GSTM3: variants seen among roughly 807,000 people sequenced by gnomAD.
The protein encoded by GSTM3 is GST class-mu 3.
In GSTM3, 34 loss-of-function variants were observed where a neutral mutation model predicts 36.1. The observed-to-expected ratio is 0.94, with a 90% confidence interval of 0.72 to 1.25. The LOEUF is 1.25. Among genes scored for constraint, GSTM3 ranks in the 50% most tolerant of loss-of-function variants. The probability of loss-of-function intolerance (pLI) is 0.00; values close to 1 mark genes in which losing one functional copy is unlikely to be tolerated. For missense variants in GSTM3, 266 were observed against 281.6 expected (o/e 0.94, Z 0.40); for synonymous variants, 102 against 99.5 (o/e 1.03, Z -0.15).
At position 109,734,933 on chromosome 1, in the gene GSTM3, G is replaced by C. The variant is rs1649158948; in HGVS notation, c.*2138C>G. ...TCAGACTCTGCTCTGTGAAAGGAGA[G>C]TGGTGCCAAGTCATCTCCACAGGAG... On this transcript the variant is annotated 3_prime_UTR_variant, in exon 9 of 9. Coordinates refer to ENST00000361066, the MANE Select transcript of GSTM3 (RefSeq NM_000849.5). 1 of 152,304 alleles carries C rather than the reference G, an allele frequency of 6.6e-6. No homozygotes were observed. The highest frequency in any genetic ancestry group is 2.4e-5 in the African/African-American group (1 of 41,470). The allele number at this position is 152,304 out of a possible 1,614,324, so 9.4% of individuals were successfully genotyped here.
rs34865003 is a variant in GSTM3, at chr1:109,735,633, G to GTTTTTTT, written c.*1431_*1437dup. The GTTTTTTT allele has an allele frequency of 1.6e-5, 1 of 60,718 alleles. No homozygotes were observed. Among genetic ancestry groups the GTTTTTTT allele is most frequent in the African/African-American group, 4.9e-5 (1 of 20,386 alleles). The allele number at this position is 60,718 out of a possible 1,614,324, so 3.8% of individuals were successfully genotyped here. A position where few individuals can be genotyped will look rare whatever the true frequency, so the allele number is the denominator to read the frequency against. On this transcript the variant is annotated 3_prime_UTR_variant, in exon 9 of 9. Coordinates refer to ENST00000361066, the MANE Select transcript of GSTM3 (RefSeq NM_000849.5). ...CATCTTAGTATATGTCTCTTTGAAT[G>GTTTTTTT]TTTTTTTTTTTTTTTTTTTTTTTTT... is the stretch of plus-strand genomic sequence containing the variant.
chr1:109,737,182 T>G lies in GSTM3; in HGVS notation c.580-13A>C. The G allele has an allele frequency of 6.3e-7, 1 of 1,584,966 alleles. No homozygotes were observed. Among genetic ancestry groups the G allele is most frequent in the African/African-American group, 1.3e-5 (1 of 74,476 alleles). On this transcript the variant is annotated splice_polypyrimidine_tract_variant and intron_variant, in intron 8 of 8. Coordinates refer to ENST00000361066, the MANE Select transcript of GSTM3 (RefSeq NM_000849.5). ...TTTTCTCCAAAGCCTGAAAGGAAAATACACCAAATCTTATAACGACCCCAA... is the reference window on the plus strand; with the variant it reads ...TTTTCTCCAAAGCCTGAAAGGAAAAGACACCAAATCTTATAACGACCCCAA...
At position 109,734,401 on chromosome 1, in the gene GSTM3, C is replaced by T. The variant is rs1200470198; in HGVS notation, c.*2670G>A. ...ACTGTCTTGCCGTTGTTCTTGTGAA[C>T]ATAGTTCCTTTCTATCCCTTCTCCT... On this transcript the variant is annotated 3_prime_UTR_variant, in exon 9 of 9. Coordinates refer to ENST00000361066, the MANE Select transcript of GSTM3 (RefSeq NM_000849.5). 6.6e-6 allele frequency: 1 copy of T among 152,202 alleles called. No homozygotes were observed. The highest frequency in any genetic ancestry group is 1.5e-5 in the Non-Finnish European group (1 of 68,032). 9.4% of individuals were successfully genotyped at this position (152,202 alleles called of 1,614,324 possible).
In GSTM3 at chr1:109,737,553, A is replaced by G; in HGVS notation, c.483T>C (p.Asp161=). Residue 161 remains aspartate (D), a synonymous_variant, in exon 8 of 9, where the codon GAT becomes GAC. Transcript: ENST00000361066. ...GATCCAAGATATCATAGGTGAGAAA[A>G]TCCACAAAGGTGAGCTAGAAGAAAA... ...WFAGEKLTFV[D]FLTYDILDQN... 2 of 1,612,320 alleles carry G rather than the reference A, an allele frequency of 1.2e-6. No homozygotes were observed. The highest frequency in any genetic ancestry group is 1.7e-6 in the Non-Finnish European group (2 of 1,178,478).
intron 8 of GSTM3, 125 bp downstream of exon 8, chr1:109,737,332 C>G (rs755068973): frequency 1.7e-5 from 14 of 823,044 alleles, no homozygotes; most frequent in Admixed American, 5.8e-5. Flanking sequence ...ACTTAAAGGT[C>G]TAGAGGTGTC....
rs965873592 is a variant in GSTM3 at position 109,734,110 on chromosome 1, G to A, written c.*2961C>T. 3 of 152,308 alleles carry A rather than the reference G, an allele frequency of 2.0e-5. No individual in the cohort carries two copies. In the South Asian group the frequency reaches 6.2e-4, roughly 32 times the overall value. 9.4% of individuals were successfully genotyped at this position (152,308 alleles called of 1,614,324 possible). On this transcript the variant is annotated 3_prime_UTR_variant, in exon 9 of 9. Transcript: ENST00000361066. ...AGAGAAGTAACATTTTCTTCTTGGGGTACTACAGCTGTGCATGCCTAAGTT... is the reference window on the plus strand; with the variant it reads ...AGAGAAGTAACATTTTCTTCTTGGGATACTACAGCTGTGCATGCCTAAGTT...
rs1344401756 is a variant in GSTM3, at chr1:109,738,205, G to A, written c.272-14C>T. 1 of 1,605,732 alleles carries A rather than the reference G, an allele frequency of 6.2e-7. No homozygotes were observed. Among genetic ancestry groups the A allele is most frequent in the Non-Finnish European group, 8.5e-7 (1 of 1,172,326 alleles). ...CAGTCTCACCACCTGTAGGCCAAAT[G>A]ACAACAAATCACCCTTGGCATCATC... On this transcript the variant is annotated splice_polypyrimidine_tract_variant and intron_variant, in intron 5 of 8. Transcript: ENST00000361066.
At chr1:109,738,840 G>T (rs1212199307) in intron 4 of GSTM3, among the ~76,000 whole-genome samples, 2 of 152,160 alleles carry the variant, frequency 1.3e-5, no homozygotes, top group Non-Finnish European at 2.9e-5. Flanking sequence ...CTGATTTCAG[G>T]CTGGGCACAG....
At position 109,736,430 on chromosome 1, in the gene GSTM3, G is replaced by A. The variant is rs1649202662; in HGVS notation, c.*641C>T. The A allele has an allele frequency of 1.2e-5, 1 of 80,594 alleles. No homozygotes were observed. Among genetic ancestry groups the A allele is most frequent in the Non-Finnish European group, 2.3e-5 (1 of 43,744 alleles). 5.0% of individuals were successfully genotyped at this position (80,594 alleles called of 1,614,324 possible). On this transcript the variant is annotated 3_prime_UTR_variant, in exon 9 of 9. Coordinates refer to ENST00000361066, the MANE Select transcript of GSTM3 (RefSeq NM_000849.5). ...CTACTCCACAGGCAGAGCAGCCTAT[G>A]GTTTTTTTCTTTTTACGTCTTTAAA...
rs1181167417 is a variant in GSTM3 at position 109,737,122 on chromosome 1, C to T, written c.627G>A (p.Lys209=). ...GGGCCATCTTGTTGTTGATGGGCAT[C>T]TTGCAGAACTGATCAGACTGTAAGT... The part of the protein sequence containing the change: ...AAYLQSDQFC[K]MPINNKMAQW... Residue 209 remains lysine, a synonymous_variant, in exon 9 of 9, where the codon AAG becomes AAA. Transcript: ENST00000361066. 6.2e-7 allele frequency: 1 copy of T among 1,613,984 alleles called. No homozygotes were observed. Among genetic ancestry groups the T allele is most frequent in the Admixed American group, 1.7e-5 (1 of 60,022 alleles).
chr1:109,737,389 A>T (rs1361912276), intron 8 of GSTM3, 68 bp downstream of exon 8: 5 of 1,026,382 alleles, frequency 4.9e-6, no homozygotes, highest in Non-Finnish European at 6.2e-6. Flanking sequence ...ATCCTCCACT[A>T]TGGGATCCTG....
At position 109,739,889 on chromosome 1, in the gene GSTM3, A is replaced by T; in HGVS notation, c.68T>A (p.Leu23Gln). Residue 23 changes from leucine (L) to glutamine (Q), a missense_variant, in exon 3 of 9, where the codon CTG becomes CAG. Transcript: ENST00000361066. ...DIRGLAHAIR[L>Q]LLEFTDTSYE... ...AGAGGTATCCGTGAACTCCAGGAGC[A>T]GGCGGATGGCGTGCGCCAGCTGGGG... 6.4e-7 allele frequency: 1 copy of T among 1,555,288 alleles called. No individual in the cohort carries two copies. Among genetic ancestry groups the T allele is most frequent in the Non-Finnish European group, 8.7e-7 (1 of 1,148,644 alleles).
chr1:109,736,800 C>T lies in GSTM3; in HGVS notation c.*271G>A, dbSNP rs572436968. 4.0e-5 allele frequency: 16 copies of T among 402,352 alleles called. No individual in the cohort carries two copies. Among genetic ancestry groups the T allele is most frequent in the Admixed American group, 2.9e-4 (7 of 24,300 alleles). The allele number at this position is 402,352 out of a possible 1,614,324, so 24.9% of individuals were successfully genotyped here. On this transcript the variant is annotated 3_prime_UTR_variant, in exon 9 of 9. Coordinates refer to ENST00000361066, the MANE Select transcript of GSTM3 (RefSeq NM_000849.5). ...CCTGCTCTCTCCAACTGTGCAATCT[C>T]GTTTTTTCTAGTACCCACTCTCAGG... is the stretch of plus-strand genomic sequence containing the variant.
intron 2 of GSTM3, 162 bp downstream of exon 2, chr1:109,740,078 C>T: frequency 1.1e-6 from 1 of 880,174 alleles, no homozygotes; most frequent in Non-Finnish European, 1.8e-6. Context: ...CCCCACAGGG[C>T]CCGCGATCCC....
At chr1:109,738,010 T>C (rs1357157832) in intron 6 of GSTM3, 81 bp downstream of exon 6, 11 of 867,912 alleles carry the variant, frequency 1.3e-5, no homozygotes, top group Non-Finnish European at 2.2e-5. Context: ...AGCAGCAGAA[T>C]GGAACAGAGA....
chr1:109,740,124 AGCTCGAAAAG>A, intron 2 of GSTM3, 106 bp downstream of exon 2: 2 of 1,030,598 alleles, frequency 1.9e-6, no homozygotes, highest in South Asian at 2.8e-5. Flanking sequence ...GTGGCTCGGC[AGCTCGAAAAG>A]GCTCCCGCGT....
rs1428573763 is a variant in GSTM3, at chr1:109,738,288, T to G, written c.268A>C (p.Met90Leu). The part of the protein sequence containing the change: ...ILRYIARKHN[M>L]CGETEEEKIR... ...TCACCAGCCCTACCCCACTCACACA[T>G]GTTGTGCTTGCGAGCGATGTAGCGC... Residue 90 changes from methionine (M) to leucine (L), a missense_variant, in exon 5 of 9, where the codon ATG (methionine) becomes CTG (leucine). Met to Leu is a conservative substitution (Grantham distance 15, BLOSUM62 2). Coordinates refer to ENST00000361066, the MANE Select transcript of GSTM3 (RefSeq NM_000849.5). The G allele has an allele frequency of 1.2e-6, 2 of 1,612,718 alleles. No homozygotes were observed. The highest frequency in any genetic ancestry group is 1.3e-5 in the African/African-American group (1 of 74,898).
rs3814309 is a variant in GSTM3 at position 109,734,781 on chromosome 1, T to C, written c.*2290A>G. ...TTGTCTGCTTAGCACCTTCTGTCTG[T>C]ACTATTCCTCCTGACATCACTGGGT... On this transcript the variant is annotated 3_prime_UTR_variant, in exon 9 of 9. Transcript: ENST00000361066. 0.27 allele frequency: 41,521 copies of C among 152,286 alleles called. 7,087 individuals are homozygous for C. The highest frequency in any genetic ancestry group is 0.75 in the East Asian group (3,856 of 5,160). 9.4% of individuals were successfully genotyped at this position (152,286 alleles called of 1,614,324 possible).
In GSTM3 at chr1:109,734,718, T is replaced by A. The variant is rs946901778; in HGVS notation, c.*2353A>T. 2 of 152,248 alleles carry A rather than the reference T, an allele frequency of 1.3e-5. No homozygotes were observed. The highest frequency in any genetic ancestry group is 2.9e-5 in the Non-Finnish European group (2 of 68,074). 9.4% of individuals were successfully genotyped at this position (152,248 alleles called of 1,614,324 possible). On this transcript the variant is annotated 3_prime_UTR_variant, in exon 9 of 9. Coordinates refer to ENST00000361066, the MANE Select transcript of GSTM3 (RefSeq NM_000849.5). Reference sequence around the variant, plus strand: ...CCAAGATACTGGCCTGAACACCTAATCCCTGCTCACAGGGGGTGGCAAAAC... The same window carrying A: ...CCAAGATACTGGCCTGAACACCTAAACCCTGCTCACAGGGGGTGGCAAAAC...
Sources: gnomAD v4.1 joint callset for allele counts (sites outside exome capture counted in the v4.1 genomes callset) on GRCh38, gnomAD v4.1.1 for gene constraint, MANE v1.5 for transcripts, NCBI Gene and HGNC (gene_info 2026-07-23, HGNC 2026-07-21) for gene names.